Variants in ZNF71 observed in about 807,000 individuals in gnomAD.
ZNF71 encodes zinc finger protein 71, also known as endothelial zinc finger protein induced by tumor necrosis factor alpha.
A neutral mutation model predicts 6.7 loss-of-function variants in ZNF71; 3 were observed. The observed-to-expected ratio is 0.45, with a 90% confidence interval of 0.20 to 1.16. ZNF71 has a LOEUF of 1.16. ZNF71 is among the 50% of genes most tolerant of loss of function. The pLI is 0.25. For missense variants in ZNF71, 688 were observed against 728.6 expected, an observed-to-expected ratio of 0.94 and a Z score of 0.64; for synonymous variants, 343 against 311.1, an observed-to-expected ratio of 1.10 and a Z score of -1.08.
In ZNF71 at chr19:56,622,559, C is replaced by T; in HGVS notation, c.1452C>T (p.Tyr484=). ...ECGKAFSQSA[Y]LIEHQRIHTG... ...GCAAGGCCTTCAGCCAGAGCGCCTA[C>T]CTCATCGAGCACCAGCGGATCCACA... The change falls in exon 4 of 4, where the codon TAC becomes TAT. Residue 484 remains tyrosine, a synonymous_variant. Coordinates refer to ENST00000599599, the MANE Select transcript of ZNF71 (RefSeq NM_001370215.1). The T allele has an allele frequency of 6.2e-7, 1 of 1,613,276 alleles. No homozygotes were observed. The highest frequency in any genetic ancestry group is 8.5e-7 in the Non-Finnish European group (1 of 1,179,656).
Position 56,621,584 on chromosome 19 carries a change from GGGGGCCTGT to G in ZNF71, c.478_486del (p.Gly160_Cys162del). The G allele has an allele frequency of 6.2e-7, 1 of 1,614,200 alleles. No homozygotes were observed. The highest frequency in any genetic ancestry group is 8.5e-7 in the Non-Finnish European group (1 of 1,180,026). On this transcript the variant is annotated inframe_deletion, in exon 4 of 4. Transcript: ENST00000599599. ...CACGGCTGGACGACCCCACAGAAAA[GGGGGCCTGT>G]CCACCCGTAAGGCGTGGCAAGAACT...
Position 56,622,604 on chromosome 19 carries a change from G to T in ZNF71, c.1497G>T (p.Arg499Ser), listed in dbSNP as rs546603924. The T allele has an allele frequency of 4.3e-6, 7 of 1,613,432 alleles. No individual in the cohort carries two copies. The East Asian group carries it at 1.1e-4, about 26-fold the overall frequency. Residue 499 changes from arginine to serine, a missense_variant, in exon 4 of 4, where the codon AGG becomes AGT. Transcript: ENST00000599599. ...QRIHTGEKPYRCGQCGKSFIK... is the reference protein window; with the variant it reads ...QRIHTGEKPYSCGQCGKSFIK... ...TCCACACCGGCGAGAAGCCGTACAG[G>T]TGCGGCCAGTGCGGGAAGTCCTTCA... is the stretch of plus-strand genomic sequence containing the variant.
chr19:56,604,707 C>T (rs2044696416), intron 2 of ZNF71, among the ~76,000 whole-genome samples: 1 of 152,140 alleles, frequency 6.6e-6, no homozygotes, highest in African/African-American at 2.4e-5. Flanking sequence ...CAACTGCTTT[C>T]TATCAAAGGT....
chr19:56,621,192 T>C (rs2148020871), intron 3 of ZNF71, 76 bp from the exon 4 acceptor site: 2 of 1,454,568 alleles, frequency 1.4e-6, no homozygotes, highest in East Asian at 2.3e-5. Flanking sequence ...CATTTGCTCC[T>C]TCCTGCTGTG....
At chr19:56,617,102 A>G (rs1175513994) in intron 3 of ZNF71, among the ~76,000 whole-genome samples, 1 of 123,232 alleles carries the variant, frequency 8.1e-6, no homozygotes, top group Middle Eastern at 3.9e-3. Flanking sequence ...GGAGACTTCC[A>G]TTTTCTTTTG....
intron 3 of ZNF71, among the ~76,000 whole-genome samples, chr19:56,614,968 A>C (rs955528088): frequency 6.7e-6 from 1 of 150,142 alleles, no homozygotes; most frequent in Non-Finnish European, 1.5e-5. Context: ...TTTTATATAC[A>C]TGGAATCATA....
intron 1 of ZNF71, among the ~76,000 whole-genome samples, chr19:56,597,869 C>A (rs1225378051): frequency 6.6e-6 from 1 of 152,118 alleles, no homozygotes; most frequent in African/African-American, 2.4e-5. Flanking sequence ...AGCTCACTTT[C>A]CAGAAAAATG....
rs2044850828 is a variant in ZNF71 at position 56,621,665 on chromosome 19, G to T, written c.558G>T (p.Glu186Asp). 5 of 1,614,078 alleles carry T rather than the reference G, an allele frequency of 3.1e-6. No individual in the cohort carries two copies. The African/African-American group carries it at 6.7e-5, about 22-fold the overall frequency. Residue 186 changes from glutamate (E) to aspartate (D), a missense_variant, in exon 4 of 4, where the codon GAG (glutamate) becomes GAT (aspartate). Coordinates refer to ENST00000599599, the MANE Select transcript of ZNF71 (RefSeq NM_001370215.1). ...DLSKPPMPCE[E>D]KKTYDCSECG... ...GTAAGCCCCCCATGCCCTGCGAGGA[G>T]AAGAAAACCTACGACTGCAGCGAGT...
Position 56,621,427 on chromosome 19 carries a change from G to C in ZNF71, c.320G>C (p.Arg107Thr). Residue 107 changes from arginine to threonine, a missense_variant, in exon 4 of 4, where the codon AGG becomes ACG. Arg to Thr is a moderately conservative substitution (Grantham distance 71). Transcript: ENST00000599599. ...TGGGAACCAGGCAGCTGGCCAGAGA[G>C]GCCGCGGGGAGATGCAGGTGCAGAG... is the stretch of plus-strand genomic sequence containing the variant. Reference protein sequence around the residue: ...GVWEPGSWPERPRGDAGAEWE... With the variant: ...GVWEPGSWPETPRGDAGAEWE... 6.2e-7 allele frequency: 1 copy of C among 1,613,832 alleles called. No homozygotes were observed. Among genetic ancestry groups the C allele is most frequent in the East Asian group, 2.2e-5 (1 of 44,870 alleles).
At chr19:56,612,300 G>A (rs1487517528) in intron 2 of ZNF71, among the ~76,000 whole-genome samples, 1 of 152,066 alleles carries the variant, frequency 6.6e-6, no homozygotes, top group East Asian at 1.9e-4. Context: ...CAACCTAAGT[G>A]CCCATCAACC....
intron 3 of ZNF71, among the ~76,000 whole-genome samples, chr19:56,615,513 G>A (rs1267589976): frequency 6.8e-6 from 1 of 147,022 alleles, no homozygotes; most frequent in Non-Finnish European, 1.5e-5. Flanking sequence ...CTTATTTGAT[G>A]TTTGTATATT....
chr19:56,612,642 G>T (rs543973877), intron 2 of ZNF71, among the ~76,000 whole-genome samples: 1 of 152,220 alleles, frequency 6.6e-6, no homozygotes, highest in African/African-American at 2.4e-5. Flanking sequence ...AGGTGGCAGG[G>T]GGGTGAGGGG....
Position 56,603,997 on chromosome 19 carries a change from C to T in ZNF71, c.33+2406C>T, listed in dbSNP as rs1363619159. ...AGCACTTCTGTCCCAACACGATGGG[C>T]TCCCAGACCTGGAAGGCTGTGTTCT... On this transcript the variant is annotated intron_variant, in intron 2 of 3. Transcript: ENST00000599599. This position sits in a 1 kb window ranked among gnomAD's most constrained non-coding sequence, Gnocchi z 4.6. 6.6e-6 allele frequency among the ~76,000 whole-genome samples: 1 copy of T among 152,162 alleles called. No homozygotes were observed. Among genetic ancestry groups the T allele is most frequent in the East Asian group, 1.9e-4 (1 of 5,192 alleles).
At position 56,595,422 on chromosome 19, in the gene ZNF71, G is replaced by C. The variant is rs1261183247; in HGVS notation, c.-59G>C. 2.0e-5 allele frequency: 3 copies of C among 153,648 alleles called. No individual in the cohort carries two copies. The highest frequency in any genetic ancestry group is 4.8e-5 in the African/African-American group (2 of 41,474). 9.5% of individuals were successfully genotyped at this position (153,648 alleles called of 1,614,324 possible). On this transcript the variant is annotated 5_prime_UTR_variant, in exon 1 of 4. Transcript: ENST00000599599. ...CGCGGCCTCGGGGAGACGGCGTGCA[G>C]GCCCAGGTACGGGGAGTGCAGGGCT...
chr19:56,609,982 CGT>C (rs1306757499), intron 2 of ZNF71: 1 of 152,212 alleles, frequency 6.6e-6, no homozygotes, highest in Admixed American at 6.5e-5. Flanking sequence ...CATGTTGCAG[CGT>C]GTGTCAGAGC....
chr19:56,604,390 A>G (rs1050560452), intron 2 of ZNF71, among the ~76,000 whole-genome samples: 8 of 152,346 alleles, frequency 5.3e-5, no homozygotes, highest in African/African-American at 1.9e-4. Context: ...CCAAAAGGTC[A>G]AATAATATCA....
rs114941790 is a variant in ZNF71, at chr19:56,604,725, C to T, written c.33+3134C>T. Among the ~76,000 whole-genome samples, 1,159 of 152,300 alleles carry T rather than the reference C, an allele frequency of 7.6e-3. 19 individuals are homozygous for T. The highest frequency in any genetic ancestry group is 0.025 in the African/African-American group (1,058 of 41,560). The stretch of plus-strand genomic sequence containing the variant: ...CTGCTTTCTATCAAAGGTGACCCCT[C>T]AGGCAGAGGAGGCTATCTTGAGCCC... On this transcript the variant is annotated intron_variant, in intron 2 of 3. Coordinates refer to ENST00000599599, the MANE Select transcript of ZNF71 (RefSeq NM_001370215.1).
chr19:56,598,089 A>G lies in ZNF71; in HGVS notation c.-53+2661A>G, dbSNP rs1168860084. Among the ~76,000 whole-genome samples, 2 of 152,218 alleles carry G rather than the reference A, an allele frequency of 1.3e-5. No individual in the cohort carries two copies. The highest frequency in any genetic ancestry group is 2.9e-5 in the Non-Finnish European group (2 of 68,044). On this transcript the variant is annotated intron_variant, in intron 1 of 3. Transcript: ENST00000599599. This position sits in a 1 kb window ranked among gnomAD's most constrained non-coding sequence, Gnocchi z 4.2. ...TGTTCTCATGGAGGGAAGACAGATG[A>G]CAAACTTGAAAACAACTATTTTAAA...
chr19:56,601,521 G>A lies in ZNF71; in HGVS notation c.-38G>A. The A allele has an allele frequency of 3.0e-6, 3 of 985,706 alleles. No individual in the cohort carries two copies. Among genetic ancestry groups the A allele is most frequent in the South Asian group, 9.4e-5 (2 of 21,256 alleles). The allele number at this position is 985,706 out of a possible 1,614,324, so 61.1% of individuals were successfully genotyped here. ...TCTCCCTACAGCACTGTTGGTCACC[G>A]CAGGCCTGTCTTCCTATTCACCGTG... On this transcript the variant is annotated 5_prime_UTR_variant, in exon 2 of 4. Coordinates refer to ENST00000599599, the MANE Select transcript of ZNF71 (RefSeq NM_001370215.1).
Sources: allele counts gnomAD v4.1 joint callset (sites outside exome capture counted in the v4.1 genomes callset), GRCh38; gene constraint gnomAD v4.1.1; non-coding constraint Gnocchi (gnomAD v3.1); transcripts MANE v1.5; gene names NCBI Gene and HGNC (gene_info 2026-07-23, HGNC 2026-07-21).